Variants in NDUFAF2 observed in about 807,000 individuals in gnomAD.
NDUFAF2 encodes the protein NADH dehydrogenase [ubiquinone] 1 alpha subcomplex assembly factor 2.
Under a neutral mutation model 22.8 loss-of-function variants are expected in NDUFAF2, and 13 were observed. The ratio of observed to expected loss-of-function variants is 0.57; its 90% CI spans 0.37 to 0.91. The LOEUF (loss-of-function observed/expected upper bound fraction) is 0.91, where lower values mean the gene tolerates loss of function less well. Among genes scored for constraint, NDUFAF2 ranks in the 40% least tolerant of loss-of-function variants. The pLI, the probability that NDUFAF2 is intolerant of heterozygous loss-of-function variation, is 0.01. For missense variants in NDUFAF2, 162 were observed against 195.2 expected (o/e 0.83, Z 1.01); for synonymous variants, 53 against 64.2 (o/e 0.83, Z 0.84).
intron 1 of NDUFAF2, among the ~76,000 whole-genome samples, chr5:60,994,776 C>T (rs1209597456): frequency 2.0e-5 from 3 of 152,170 alleles, no homozygotes; most frequent in South Asian, 2.1e-4. Flanking sequence ...TTTGAATAAA[C>T]TTTCCACTTT....
intron 3 of NDUFAF2, among the ~76,000 whole-genome samples, chr5:61,110,259 T>TTTC (rs145073058): frequency 5.3e-5 from 8 of 151,850 alleles, no homozygotes; most frequent in South Asian, 4.1e-4. Flanking sequence ...ATAGTTTTCT[T>TTTC]TTCTTCTTCT....
At chr5:61,075,202 G>T (rs945525407) in intron 2 of NDUFAF2, among the ~76,000 whole-genome samples, 1 of 152,138 alleles carries the variant, frequency 6.6e-6, no homozygotes, top group Non-Finnish European at 1.5e-5. Flanking sequence ...TAGACTCATT[G>T]CTTCTTGGTT....
rs147258536 is a variant in NDUFAF2 at position 61,015,174 on chromosome 5, T to C, written c.128-57951T>C. ...AACTCTGAAAGTAGGTCATATCTAA[T>C]GGTAGAGTCTTTTAAAAATTTCAGT... On this transcript the variant is annotated intron_variant, in intron 1 of 3. Coordinates refer to ENST00000296597, the MANE Select transcript of NDUFAF2 (RefSeq NM_174889.5). Among the ~76,000 whole-genome samples, 255 of 152,344 alleles carry C rather than the reference T, an allele frequency of 1.7e-3. 2 individuals are homozygous for C. Among genetic ancestry groups the C allele is most frequent in the Non-Finnish European group, 2.8e-3 (188 of 68,036 alleles).
At chr5:61,028,602 T>C (rs1447906171) in intron 1 of NDUFAF2, among the ~76,000 whole-genome samples, 1 of 152,124 alleles carries the variant, frequency 6.6e-6, no homozygotes, top group Non-Finnish European at 1.5e-5. Context: ...GATTAATGTA[T>C]TGATGAACAT....
intron 1 of NDUFAF2, among the ~76,000 whole-genome samples, chr5:61,066,012 C>T (rs918191077): frequency 6.6e-6 from 1 of 151,624 alleles, no homozygotes; most frequent in African/African-American, 2.4e-5. Context: ...TTACAGGATA[C>T]AAAAATTAGC....
intron 1 of NDUFAF2, among the ~76,000 whole-genome samples, chr5:61,049,158 T>C (rs539479379): frequency 6.6e-6 from 1 of 152,274 alleles, no homozygotes; most frequent in East Asian, 1.9e-4. Flanking sequence ...TATATACTAT[T>C]TGAGTCAATA....
chr5:61,033,404 A>T (rs1335239309), intron 1 of NDUFAF2, among the ~76,000 whole-genome samples: 1 of 152,172 alleles, frequency 6.6e-6, no homozygotes, highest in African/African-American at 2.4e-5. Flanking sequence ...CATAGATGTT[A>T]AAGACATCAT....
intron 1 of NDUFAF2, among the ~76,000 whole-genome samples, chr5:61,002,368 T>G (rs1240908982): frequency 6.6e-6 from 1 of 152,152 alleles, no homozygotes; most frequent in African/African-American, 2.4e-5. Flanking sequence ...ATATTTTTTC[T>G]TATTCATTCT....
At chr5:61,090,170 T>C (rs1388246021) in intron 2 of NDUFAF2, among the ~76,000 whole-genome samples, 6 of 152,086 alleles carry the variant, frequency 3.9e-5, no homozygotes, top group Non-Finnish European at 8.8e-5. Flanking sequence ...CATCAAAATA[T>C]GTATTTTTCG....
At chr5:61,056,963 G>A (rs1752108769) in intron 1 of NDUFAF2, among the ~76,000 whole-genome samples, 1 of 113,748 alleles carries the variant, frequency 8.8e-6, no homozygotes, top group Non-Finnish European at 1.7e-5. Context: ...TTTATATGGT[G>A]CTATATAAAA....
intron 3 of NDUFAF2, among the ~76,000 whole-genome samples, chr5:61,112,972 G>A (rs1294962232): frequency 6.7e-6 from 1 of 148,960 alleles, no homozygotes; most frequent in Non-Finnish European, 1.5e-5. Context: ...ACCCATTACT[G>A]TAAACTGCCG....
intron 1 of NDUFAF2, among the ~76,000 whole-genome samples, chr5:60,994,112 G>T (rs181663699): frequency 3.3e-5 from 5 of 152,230 alleles, no homozygotes; most frequent in Admixed American, 1.3e-4. Flanking sequence ...GGTGGCGGGG[G>T]CTGGCATGTC....
intron 3 of NDUFAF2, among the ~76,000 whole-genome samples, chr5:61,107,573 A>G (rs946886216): frequency 1.3e-5 from 2 of 151,256 alleles, no homozygotes; most frequent in African/African-American, 2.5e-5. Flanking sequence ...TTTGCTATAC[A>G]GAAGCTTTTT....
chr5:61,042,657 G>A (rs1241074887), intron 1 of NDUFAF2, among the ~76,000 whole-genome samples: 1 of 152,072 alleles, frequency 6.6e-6, no homozygotes, highest in Non-Finnish European at 1.5e-5. Context: ...TCCAAATTTA[G>A]ACAGATAGAT....
chr5:61,080,371 C>T (rs1310870909), intron 2 of NDUFAF2, among the ~76,000 whole-genome samples: 1 of 152,138 alleles, frequency 6.6e-6, no homozygotes, highest in Non-Finnish European at 1.5e-5. Flanking sequence ...AGATATTTTT[C>T]AATGTGGCTG....
At chr5:60,970,897 A>T (rs945434344) in intron 1 of NDUFAF2, among the ~76,000 whole-genome samples, 1 of 151,956 alleles carries the variant, frequency 6.6e-6, no homozygotes. Context: ...TTATATATAT[A>T]TTTTTGTCTA....
intron 1 of NDUFAF2, among the ~76,000 whole-genome samples, chr5:60,976,275 T>A (rs1450711516): frequency 1.3e-5 from 2 of 151,266 alleles, no homozygotes; most frequent in Non-Finnish European, 2.9e-5. Flanking sequence ...TAGTATCAAA[T>A]GAAGTAGACT....
At chr5:60,994,540 A>G (rs1751203887) in intron 1 of NDUFAF2, among the ~76,000 whole-genome samples, 1 of 152,190 alleles carries the variant, frequency 6.6e-6, no homozygotes, top group Admixed American at 6.5e-5. Flanking sequence ...GATGGCAGCA[A>G]CCACTCCAGA....
intron 1 of NDUFAF2, among the ~76,000 whole-genome samples, chr5:60,978,049 T>C (rs1442514210): frequency 6.6e-6 from 1 of 152,132 alleles, no homozygotes; most frequent in Non-Finnish European, 1.5e-5. Flanking sequence ...TGGTAGCAGC[T>C]GTGGGCCACT....
Sources: gnomAD v4.1 joint callset for allele counts (sites outside exome capture counted in the v4.1 genomes callset) on GRCh38, gnomAD v4.1.1 for gene constraint, MANE v1.5 for transcripts, NCBI Gene and HGNC (gene_info 2026-07-23, HGNC 2026-07-21) for gene names.